SEMA5A: variants seen among roughly 807,000 people sequenced by gnomAD.
The protein encoded by SEMA5A is semaphorin-5A.
Under a neutral mutation model 135.5 loss-of-function variants are expected in SEMA5A, and 55 were observed. The ratio of observed to expected loss-of-function variants is 0.41; its 90% CI spans 0.33 to 0.51. The LOEUF is 0.51. SEMA5A is among the 20% of genes least tolerant of loss of function. The probability of loss-of-function intolerance (pLI) is 0.37; values close to 1 mark genes in which losing one functional copy is unlikely to be tolerated. For synonymous variants in SEMA5A, 580 were observed against 546.5 expected (o/e 1.06, Z -0.85); for missense variants, 1,290 against 1,419.9 (o/e 0.91, Z 1.47).
intron 1 of SEMA5A, chr5:9,517,625 T>A (rs1736601193): frequency 6.6e-6 from 1 of 152,222 alleles, no homozygotes; most frequent in African/African-American, 2.4e-5. Flanking sequence ...ATGAAGCTAG[T>A]GATGATTTGG....
intron 5 of SEMA5A, among the ~76,000 whole-genome samples, chr5:9,270,461 A>G (rs1404677128): frequency 1.3e-5 from 2 of 152,156 alleles, no homozygotes; most frequent in African/African-American, 4.8e-5. Flanking sequence ...GACAATTTTC[A>G]GAGATAGATG....
intron 18 of SEMA5A, among the ~76,000 whole-genome samples, chr5:9,058,499 G>T: frequency 6.6e-6 from 1 of 152,200 alleles, no homozygotes; most frequent in Non-Finnish European, 1.5e-5. Flanking sequence ...TTTCTTTCAA[G>T]GAATCAAAGC....
intron 16 of SEMA5A, among the ~76,000 whole-genome samples, chr5:9,067,885 T>C (rs1737562926): frequency 1.3e-5 from 2 of 152,192 alleles, no homozygotes. Flanking sequence ...GAAGATTTCC[T>C]CAACCTTATC....
intron 3 of SEMA5A, among the ~76,000 whole-genome samples, chr5:9,366,686 C>G (rs1002503924): frequency 6.6e-6 from 1 of 152,186 alleles, no homozygotes; most frequent in Non-Finnish European, 1.5e-5. Flanking sequence ...CCGCTCCCAG[C>G]CACAATAAAG....
chr5:9,307,075 A>G (rs1461554777), intron 5 of SEMA5A, among the ~76,000 whole-genome samples: 1 of 152,234 alleles, frequency 6.6e-6, no homozygotes, highest in African/African-American at 2.4e-5. Context: ...TCTAAGATGC[A>G]TGTAAATAAT....
chr5:9,091,955 G>A (rs1739057985), intron 16 of SEMA5A, among the ~76,000 whole-genome samples: 1 of 152,200 alleles, frequency 6.6e-6, no homozygotes, highest in Non-Finnish European at 1.5e-5. Context: ...TCATGTACAA[G>A]GAGCTTAAAG....
chr5:9,234,913 G>A (rs1006982778), intron 6 of SEMA5A, among the ~76,000 whole-genome samples: 6 of 152,104 alleles, frequency 3.9e-5, no homozygotes, highest in African/African-American at 1.4e-4. Context: ...ATTACCTATC[G>A]GTCCCAAAAG....
rs1034266016 is a variant in SEMA5A, at chr5:9,041,485, A to T, written c.*1412T>A. 23 of 152,144 alleles carry T rather than the reference A, an allele frequency of 1.5e-4. No individual in the cohort carries two copies. Among genetic ancestry groups the T allele is most frequent in the African/African-American group, 5.5e-4 (23 of 41,508 alleles). The allele number at this position is 152,144 out of a possible 1,614,324, so 9.4% of individuals were successfully genotyped here. A position where few individuals can be genotyped will look rare whatever the true frequency, so the allele number is the denominator to read the frequency against. Reference sequence around the variant, plus strand: ...TTGGTTGTTTGTGAGAAAATTATATATTTTTTTCCAGGGACCTCTGTGAAT... The same window carrying T: ...TTGGTTGTTTGTGAGAAAATTATATTTTTTTTTCCAGGGACCTCTGTGAAT... On this transcript the variant is annotated 3_prime_UTR_variant, in exon 23 of 23. Transcript: ENST00000382496.
chr5:9,319,679 A>G (rs1162341353), intron 4 of SEMA5A, among the ~76,000 whole-genome samples: 1 of 152,042 alleles, frequency 6.6e-6, no homozygotes, highest in Non-Finnish European at 1.5e-5. Flanking sequence ...GCTGGCACAT[A>G]ATGGTAAGCA....
intron 5 of SEMA5A, among the ~76,000 whole-genome samples, chr5:9,293,006 C>T (rs1052725804): frequency 6.6e-6 from 1 of 152,180 alleles, no homozygotes; most frequent in African/African-American, 2.4e-5. Flanking sequence ...GTGATCGAGG[C>T]GTTTCTTCTG....
chr5:9,486,272 G>A (rs1266441064), intron 1 of SEMA5A, among the ~76,000 whole-genome samples: 2 of 152,160 alleles, frequency 1.3e-5, no homozygotes, highest in Non-Finnish European at 2.9e-5. Context: ...CACCTGTTGA[G>A]TGGGGTGGAT....
intron 11 of SEMA5A, among the ~76,000 whole-genome samples, chr5:9,177,700 T>C (rs1219696929): frequency 2.0e-5 from 3 of 152,204 alleles, no homozygotes; most frequent in Admixed American, 6.5e-5. Flanking sequence ...AGGCCTGGGC[T>C]GCTGCCAGGT....
intron 16 of SEMA5A, among the ~76,000 whole-genome samples, chr5:9,083,371 A>C (rs528030964): frequency 6.6e-6 from 1 of 152,350 alleles, no homozygotes; most frequent in East Asian, 1.9e-4. Flanking sequence ...TTCAGATTTT[A>C]AATGACTTTA....
At chr5:9,463,708 G>A (rs908090681) in intron 1 of SEMA5A, among the ~76,000 whole-genome samples, 6 of 152,126 alleles carry the variant, frequency 3.9e-5, no homozygotes, top group Non-Finnish European at 8.8e-5. Context: ...TGTCTTCCAA[G>A]GAATCTAAGT....
intron 3 of SEMA5A, among the ~76,000 whole-genome samples, chr5:9,352,771 C>T (rs890391353): frequency 7.2e-5 from 11 of 152,146 alleles, no homozygotes; most frequent in African/African-American, 2.7e-4. Flanking sequence ...TATCCCATCA[C>T]CTGTTTTTGT....
chr5:9,444,584 T>C (rs775505443), intron 1 of SEMA5A, among the ~76,000 whole-genome samples: 4 of 152,242 alleles, frequency 2.6e-5, no homozygotes, highest in Non-Finnish European at 5.9e-5. Flanking sequence ...TTTATTCACT[T>C]GTTCATTGGT....
At chr5:9,525,559 C>T (rs941267904) in intron 1 of SEMA5A, among the ~76,000 whole-genome samples, 3 of 152,146 alleles carry the variant, frequency 2.0e-5, no homozygotes, top group Non-Finnish European at 4.4e-5. Context: ...GGCCTTTGGC[C>T]CCAAATACCA....
intron 13 of SEMA5A, among the ~76,000 whole-genome samples, chr5:9,134,296 C>T (rs540205298): frequency 2.8e-4 from 42 of 152,218 alleles, no homozygotes; most frequent in African/African-American, 8.4e-4. Flanking sequence ...CACGTATGCA[C>T]CATCATGCCT....
Position 9,054,089 on chromosome 5 carries a change from G to A in SEMA5A, c.2687C>T (p.Pro896Leu). 1 of 1,607,914 alleles carries A rather than the reference G, an allele frequency of 6.2e-7. No homozygotes were observed. The highest frequency in any genetic ancestry group is 8.5e-7 in the Non-Finnish European group (1 of 1,177,802). The change falls in exon 19 of 23, where the codon CCA (proline) becomes CTA (leucine). Residue 896 changes from proline (P) to leucine (L), a missense_variant and splice_region_variant. Physicochemically the swap from Pro to Leu is moderately conservative, Grantham distance 98. Transcript: ENST00000382496. ...GCAGTAGGTGAGGTGCCGCTTACCTGGGCAGGGCTGCGTGTTGCAGAGTGC... is the reference window on the plus strand; with the variant it reads ...GCAGTAGGTGAGGTGCCGCTTACCTAGGCAGGGCTGCGTGTTGCAGAGTGC... ...EEALCNTQPC[P>L]ESWSEWSDWS...
Sources: gnomAD v4.1 joint callset for allele counts (sites outside exome capture counted in the v4.1 genomes callset) on GRCh38, gnomAD v4.1.1 for gene constraint, MANE v1.5 for transcripts, NCBI Gene and HGNC (gene_info 2026-07-23, HGNC 2026-07-21) for gene names.